TSGA10: variants seen among roughly 807,000 people sequenced by gnomAD.
TSGA10 encodes testis specific 10, also known as testis-specific gene 10 protein.
A neutral mutation model predicts 96.6 loss-of-function variants in TSGA10; 43 were observed. The observed-to-expected ratio is 0.44, with a 90% confidence interval of 0.35 to 0.57. The LOEUF (loss-of-function observed/expected upper bound fraction) is 0.57. TSGA10 is among the 20% of genes least tolerant of loss of function. TSGA10 has a pLI of 0.01. For synonymous variants in TSGA10, 229 were observed against 269.9 expected (o/e 0.85, Z 1.48); for missense variants, 703 against 834.4 (o/e 0.84, Z 1.94).
chr2:99,126,964 A>G, intron 2 of TSGA10, 84 bp downstream of exon 2: 1 of 1,139,704 alleles, frequency 8.8e-7, no homozygotes, highest in Non-Finnish European at 1.1e-6. Context: ...CTGAATTAGT[A>G]GTTATTTATT....
rs557834944 is a variant in TSGA10, at chr2:99,049,335, G to T, written c.1405-13896C>A. On this transcript the variant is annotated intron_variant, in intron 16 of 20. Coordinates refer to ENST00000393483, the MANE Select transcript of TSGA10 (RefSeq NM_025244.4). ...GCAAAGACTTGGAACCAACTCAAAT[G>T]TCCATCAATGACAGACCGGATAAAG... Among the ~76,000 whole-genome samples, 6 of 152,262 alleles carry T rather than the reference G, an allele frequency of 3.9e-5. No individual in the cohort carries two copies. The South Asian group carries it at 1.2e-3, about 32-fold the overall frequency.
intron 12 of TSGA10, among the ~76,000 whole-genome samples, chr2:99,075,718 AT>A (rs1052713965): frequency 4.6e-5 from 7 of 152,154 alleles, no homozygotes; most frequent in Non-Finnish European, 1.0e-4. Flanking sequence ...AAAGTTCTTG[AT>A]TTTGAAGTAG....
intron 20 of TSGA10, among the ~76,000 whole-genome samples, chr2:99,011,984 A>G (rs1294843047): frequency 1.3e-5 from 2 of 152,214 alleles, no homozygotes; most frequent in Non-Finnish European, 1.5e-5. Context: ...CATTAACACC[A>G]GATTTCTCAG....
rs544714327 is a variant in TSGA10 at position 99,116,386 on chromosome 2, C to T, written c.-140+1158G>A. Among the ~76,000 whole-genome samples the T allele has an allele frequency of 6.6e-5, 10 of 152,156 alleles. No individual in the cohort carries two copies. In the Middle Eastern group the frequency reaches 0.01, roughly 155 times the overall value. ...AGAAAAAAAATGTTGATCAAAATATCATAAAGCTACAGTAACTAAAACAAT... is the reference window on the plus strand; with the variant it reads ...AGAAAAAAAATGTTGATCAAAATATTATAAAGCTACAGTAACTAAAACAAT... On this transcript the variant is annotated intron_variant, in intron 4 of 20. Transcript: ENST00000393483.
chr2:99,123,309 T>C (rs1245522595), intron 2 of TSGA10, among the ~76,000 whole-genome samples: 2 of 152,136 alleles, frequency 1.3e-5, no homozygotes, highest in Non-Finnish European at 2.9e-5. Context: ...TCTCATCAAA[T>C]TTTTTTAGCA....
intron 20 of TSGA10, among the ~76,000 whole-genome samples, chr2:99,004,281 G>T (rs10153845): frequency 2.0e-5 from 3 of 151,676 alleles, no homozygotes; most frequent in Admixed American, 2.0e-4. Flanking sequence ...ACCAATAACA[G>T]GCTCTGAAAT....
chr2:99,141,290 G>A (rs1212445924), intron 1 of TSGA10: 7 of 560,420 alleles, frequency 1.2e-5, no homozygotes, highest in East Asian at 1.3e-4. Flanking sequence ...GGAAGGAGGA[G>A]GGGGCGGTTA....
At chr2:99,037,217 C>T (rs2081710785) in intron 16 of TSGA10, among the ~76,000 whole-genome samples, 1 of 152,146 alleles carries the variant, frequency 6.6e-6, no homozygotes, top group Admixed American at 6.5e-5. Flanking sequence ...TCACATGCAA[C>T]ATTCACTAAG....
At chr2:99,029,226 G>A (rs1328726222) in intron 17 of TSGA10, among the ~76,000 whole-genome samples, 1 of 152,098 alleles carries the variant, frequency 6.6e-6, no homozygotes, top group African/African-American at 2.4e-5. Context: ...CTCATATTAT[G>A]CCTAAGGAAA....
chr2:99,144,049 C>G (rs2093605809), intron 1 of TSGA10, among the ~76,000 whole-genome samples: 1 of 151,512 alleles, frequency 6.6e-6, no homozygotes, highest in Non-Finnish European at 1.5e-5. Context: ...GAGATGGAGT[C>G]TCGCTTTGTC....
chr2:99,057,359 G>T (rs2084126117), intron 16 of TSGA10, among the ~76,000 whole-genome samples: 1 of 151,978 alleles, frequency 6.6e-6, no homozygotes. Flanking sequence ...AAATCCTAAG[G>T]CATTCACTAA....
intron 16 of TSGA10, among the ~76,000 whole-genome samples, chr2:99,062,732 TCAAA>T (rs369686882): frequency 2.0e-4 from 31 of 152,194 alleles, no homozygotes; most frequent in African/African-American, 5.8e-4. Context: ...AGACTCTGTC[TCAAA>T]CAAACAGACA....
intron 17 of TSGA10, among the ~76,000 whole-genome samples, chr2:99,031,170 A>G (rs1175231941): frequency 4.6e-5 from 7 of 151,886 alleles, no homozygotes; most frequent in Admixed American, 4.6e-4. Context: ...GAAAACCAAG[A>G]AATAGACCCA....
At chr2:99,062,756 T>C (rs1392214332) in intron 16 of TSGA10, among the ~76,000 whole-genome samples, 1 of 151,972 alleles carries the variant, frequency 6.6e-6, no homozygotes, top group Non-Finnish European at 1.5e-5. Flanking sequence ...AAACAAACTT[T>C]AGTAATTAAA....
intron 12 of TSGA10, among the ~76,000 whole-genome samples, chr2:99,077,047 C>G (rs952388616): frequency 1.3e-5 from 2 of 149,926 alleles, no homozygotes; most frequent in African/African-American, 4.9e-5. Context: ...GTCATTATGG[C>G]ACTTAATGTA....
chr2:99,071,382 T>TAA (rs199933101), intron 14 of TSGA10, among the ~76,000 whole-genome samples: 8 of 131,234 alleles, frequency 6.1e-5, no homozygotes, highest in Non-Finnish European at 7.8e-5. Context: ...GTCCATTTTT[T>TAA]TAAAAAAAAA....
At chr2:99,152,901 T>C (rs1386476967) in intron 1 of TSGA10, among the ~76,000 whole-genome samples, 3 of 152,242 alleles carry the variant, frequency 2.0e-5, no homozygotes, top group Non-Finnish European at 4.4e-5. Flanking sequence ...TACAAGGCAG[T>C]TGTATCTATG....
At chr2:99,047,578 A>C (rs570282014) in intron 16 of TSGA10, among the ~76,000 whole-genome samples, 37 of 152,202 alleles carry the variant, frequency 2.4e-4, no homozygotes, top group Non-Finnish European at 5.1e-4. Context: ...TGTATCTCAA[A>C]ATAATAAGAG....
chr2:99,004,790 T>A (rs1219439809), intron 20 of TSGA10, among the ~76,000 whole-genome samples: 1 of 152,334 alleles, frequency 6.6e-6, no homozygotes, highest in East Asian at 1.9e-4. Flanking sequence ...TAACTCATTT[T>A]ATGAGGCCAG....
Sources: allele counts gnomAD v4.1 joint callset (sites outside exome capture counted in the v4.1 genomes callset), GRCh38; gene constraint gnomAD v4.1.1; transcripts MANE v1.5; gene names NCBI Gene and HGNC (gene_info 2026-07-23, HGNC 2026-07-21).